Variants in CA10 observed in about 807,000 individuals in gnomAD.
The protein encoded by CA10 is carbonic anhydrase 10 (inactive).
In CA10, 14 loss-of-function variants were observed where a neutral mutation model predicts 44.2. The observed-to-expected ratio is 0.32, with a 90% confidence interval of 0.21 to 0.50. The LOEUF (loss-of-function observed/expected upper bound fraction) is 0.50. Ranked by LOEUF, CA10 falls within the 20% of genes least tolerant of loss-of-function variation. CA10 has a pLI of 0.99. For missense variants in CA10, 350 were observed against 409.7 expected (o/e 0.85, Z 1.26); for synonymous variants, 159 against 141.6 (o/e 1.12, Z -0.87).
chr17:52,104,531 T>C (rs1988615505), intron 1 of CA10, among the ~76,000 whole-genome samples: 1 of 152,154 alleles, frequency 6.6e-6, no homozygotes, highest in Admixed American at 6.5e-5. Flanking sequence ...GCTGTCTTTC[T>C]CAAACGAGGG....
chr17:51,984,530 A>T (rs1199353897), intron 2 of CA10, among the ~76,000 whole-genome samples: 1 of 151,954 alleles, frequency 6.6e-6, no homozygotes, highest in Non-Finnish European at 1.5e-5. Flanking sequence ...AATAACATAG[A>T]AACAAACAGA....
chr17:52,026,530 C>A (rs1280799020), intron 2 of CA10, among the ~76,000 whole-genome samples: 1 of 152,074 alleles, frequency 6.6e-6, no homozygotes, highest in Non-Finnish European at 1.5e-5. Flanking sequence ...AAGACATACC[C>A]AGGACTGGGT....
intron 3 of CA10, among the ~76,000 whole-genome samples, chr17:51,909,655 T>C (rs1981709612): frequency 1.3e-5 from 2 of 152,168 alleles, no homozygotes; most frequent in African/African-American, 4.8e-5. Context: ...GATGTTCTTT[T>C]GATAGCTTTT....
chr17:51,755,696 G>A (rs1389008785), intron 3 of CA10, among the ~76,000 whole-genome samples: 1 of 152,166 alleles, frequency 6.6e-6, no homozygotes, highest in Admixed American at 6.5e-5. Flanking sequence ...GAAGGGTGGA[G>A]GACACCTACT....
chr17:51,657,443 C>T (rs1489704412), intron 4 of CA10, among the ~76,000 whole-genome samples: 1 of 152,182 alleles, frequency 6.6e-6, no homozygotes, highest in African/African-American at 2.4e-5. Context: ...ACCCAATACC[C>T]ACTAACCACT....
chr17:52,061,804 G>A (rs188430446), intron 2 of CA10, among the ~76,000 whole-genome samples: 1 of 152,122 alleles, frequency 6.6e-6, no homozygotes, highest in Admixed American at 6.6e-5. Context: ...AACCTCCTCT[G>A]TTTATAAATT....
intron 4 of CA10, among the ~76,000 whole-genome samples, chr17:51,683,298 G>A (rs960779914): frequency 9.9e-5 from 15 of 152,132 alleles, no homozygotes. Context: ...GGACATGACC[G>A]CTGTAACTGG....
At chr17:51,967,938 T>A (rs893466351) in intron 2 of CA10, among the ~76,000 whole-genome samples, 2 of 151,866 alleles carry the variant, frequency 1.3e-5, no homozygotes, top group African/African-American at 2.4e-5. Flanking sequence ...TGAGATATCA[T>A]TCCTGTGTGT....
chr17:52,158,244 G>C lies in CA10; in HGVS notation c.-458C>G, dbSNP rs1244166725. 1 of 215,202 alleles carries C rather than the reference G, an allele frequency of 4.6e-6. No individual in the cohort carries two copies. Among genetic ancestry groups the C allele is most frequent in the Non-Finnish European group, 9.4e-6 (1 of 106,188 alleles). 13.3% of individuals were successfully genotyped at this position (215,202 alleles called of 1,614,324 possible). ...CGCCGGGCTGCGCCGTGCAATTCCG[G>C]GCTCCCGGGAGCGCGTAGCTCGCTG... On this transcript the variant is annotated 5_prime_UTR_variant, in exon 1 of 9. Coordinates refer to ENST00000451037, the MANE Select transcript of CA10 (RefSeq NM_020178.5).
At chr17:52,050,887 T>G (rs1437592646) in intron 2 of CA10, among the ~76,000 whole-genome samples, 2 of 151,942 alleles carry the variant, frequency 1.3e-5, no homozygotes, top group Admixed American at 1.3e-4. Context: ...AATTATAAGC[T>G]GAGAGGACAA....
intron 2 of CA10, among the ~76,000 whole-genome samples, chr17:52,054,023 G>A (rs968342571): frequency 5.9e-5 from 9 of 152,018 alleles, no homozygotes; most frequent in Non-Finnish European, 1.0e-4. Flanking sequence ...ATGTGTGTTT[G>A]AACAATATGA....
intron 4 of CA10, among the ~76,000 whole-genome samples, chr17:51,728,763 TACTAAGTCCTGCCCACCAC>T (rs1486239292): frequency 6.6e-6 from 1 of 152,202 alleles, no homozygotes; most frequent in African/African-American, 2.4e-5. Context: ...GGAAGGAAGT[TACTAAGTCCTGCCCACCAC>T]ACTGAAGAGG....
intron 2 of CA10, among the ~76,000 whole-genome samples, chr17:52,022,551 C>A (rs1312402921): frequency 1.3e-5 from 2 of 151,990 alleles, no homozygotes; most frequent in African/African-American, 4.8e-5. Context: ...ATAACTAGAA[C>A]AAGACAAGGA....
intron 1 of CA10, among the ~76,000 whole-genome samples, chr17:52,107,120 T>C (rs1988677656): frequency 6.6e-6 from 1 of 152,168 alleles, no homozygotes; most frequent in Non-Finnish European, 1.5e-5. Flanking sequence ...CTCTCATCTA[T>C]GAAAGGAGAA....
At chr17:52,003,146 A>G (rs895875058) in intron 2 of CA10, among the ~76,000 whole-genome samples, 3 of 152,082 alleles carry the variant, frequency 2.0e-5, no homozygotes, top group South Asian at 2.1e-4. Context: ...ATCCCTGAAT[A>G]TAGTCCCATT....
chr17:52,108,225 T>TATATATATATATATAA (rs1484781108), intron 1 of CA10, among the ~76,000 whole-genome samples: 1 of 142,562 alleles, frequency 7.0e-6, no homozygotes, highest in Non-Finnish European at 1.5e-5. Context: ...TATATATATA[T>TATATATATATATATAA]AATATGTATA....
At chr17:51,914,269 C>T (rs766607077) in intron 3 of CA10, among the ~76,000 whole-genome samples, 4 of 151,978 alleles carry the variant, frequency 2.6e-5, no homozygotes, top group Admixed American at 6.6e-5. Context: ...ACAGAGAGAG[C>T]ACCATTGCCA....
intron 3 of CA10, among the ~76,000 whole-genome samples, chr17:51,804,927 T>C (rs1907071492): frequency 6.6e-6 from 1 of 152,196 alleles, no homozygotes; most frequent in Admixed American, 6.5e-5. Flanking sequence ...TTTCCCACTT[T>C]GAGGGTGGAG....
chr17:51,745,500 G>C (rs1334801326), intron 4 of CA10, among the ~76,000 whole-genome samples: 2 of 152,104 alleles, frequency 1.3e-5, no homozygotes, highest in African/African-American at 4.8e-5. Context: ...AGACTCTCCT[G>C]GGAACTTTTA....
Sources: allele counts gnomAD v4.1 joint callset (sites outside exome capture counted in the v4.1 genomes callset), GRCh38; gene constraint gnomAD v4.1.1; transcripts MANE v1.5; gene names NCBI Gene and HGNC (gene_info 2026-07-23, HGNC 2026-07-21).